The following AEN variants were observed in gnomAD, a reference collection of about 807,000 sequenced individuals.
AEN encodes apoptosis-enhancing nuclease.
In AEN, 21 loss-of-function variants were observed where a neutral mutation model predicts 17.7. The ratio of observed to expected loss-of-function variants is 1.19; its 90% CI spans 0.84 to 1.71. The LOEUF (loss-of-function observed/expected upper bound fraction) is 1.71. Ranked by LOEUF, AEN falls within the 40% of genes most tolerant of loss-of-function variation. The pLI, the probability that AEN is intolerant of heterozygous loss-of-function variation, is 0.00. For missense variants in AEN, 462 were observed against 435.9 expected (o/e 1.06, Z -0.53); for synonymous variants, 190 against 173.0 (o/e 1.10, Z -0.77).
At chr15:88,612,787 G>A in the AEN span, among the ~76,000 whole-genome samples, 4 of 151,964 alleles carry the variant, frequency 2.6e-5, no homozygotes, top group Non-Finnish European at 4.4e-5. Context: ...TTTTGGTAGA[G>A]AGAGGGGTTT....
At chr15:88,627,491 A>C (rs1463413700) in intron 2 of AEN, 1 of 148,746 alleles carries the variant, frequency 6.7e-6, no homozygotes, top group African/African-American at 2.5e-5. Context: ...CACACATCTT[A>C]AATGGTTAAG....
At chr15:88,618,938 T>C (rs1205493105), upstream of AEN, among the ~76,000 whole-genome samples, 3 of 152,112 alleles carry the variant, frequency 2.0e-5, no homozygotes, top group Admixed American at 6.6e-5. Context: ...TCCCCAGTAG[T>C]TGGGACTGTA....
the AEN span, among the ~76,000 whole-genome samples, chr15:88,608,738 G>A: frequency 0.017 from 2,563 of 152,168 alleles, 71 homozygotes; most frequent in South Asian, 0.064. Flanking sequence ...TGCGCTTTTG[G>A]CCTGAATTTT....
the AEN span, among the ~76,000 whole-genome samples, chr15:88,607,639 C>A: frequency 5.3e-5 from 8 of 152,210 alleles, no homozygotes; most frequent in African/African-American, 1.4e-4. Context: ...CTGTTTCAGG[C>A]AGGAACTGTG....
Position 88,630,345 on chromosome 15 carries a change from G to T in AEN, c.*51G>T. 2 of 1,514,770 alleles carry T rather than the reference G, an allele frequency of 1.3e-6. No homozygotes were observed. Among genetic ancestry groups the T allele is most frequent in the African/African-American group, 1.4e-5 (1 of 72,232 alleles). The allele number at this position is 1,514,770 out of a possible 1,614,324, so 93.8% of individuals were successfully genotyped here. A position where few individuals can be genotyped will look rare whatever the true frequency, so the allele number is the denominator to read the frequency against. On this transcript the variant is annotated 3_prime_UTR_variant, in exon 4 of 4. Transcript: ENST00000332810. The surrounding 1 kb of genome is among the most constrained non-coding windows in gnomAD (Gnocchi z 5.1). The stretch of plus-strand genomic sequence containing the variant: ...GCTTCCGGTGTGGCCGGTAGGAAGT[G>T]GGGGCCAGGAGAGCAGCGGGCACTC...
the AEN span, among the ~76,000 whole-genome samples, chr15:88,610,331 A>G: frequency 6.7e-6 from 1 of 149,066 alleles, no homozygotes; most frequent in Non-Finnish European, 1.5e-5. Flanking sequence ...TTTGTAAAAG[A>G]AATTAAAGAC....
chr15:88,620,145 T>C (rs986550952), upstream of AEN, among the ~76,000 whole-genome samples: 1 of 152,150 alleles, frequency 6.6e-6, no homozygotes, highest in Admixed American at 6.5e-5. Context: ...TTATTTCTCA[T>C]CACAGGTACG....
chr15:88,616,902 T>C (rs1598383959), upstream of AEN, among the ~76,000 whole-genome samples: 2 of 152,380 alleles, frequency 1.3e-5, no homozygotes, highest in South Asian at 2.1e-4. Flanking sequence ...GGCTAAGCTA[T>C]AGACGTTTGG....
chr15:88,628,922 T>G, intron 2 of AEN: 1 of 320,322 alleles, frequency 3.1e-6, no homozygotes, highest in South Asian at 3.9e-5. Flanking sequence ...TTGTATCTGG[T>G]AACAGGAAGA....
chr15:88,629,943 G>C (rs2057905028), intron 3 of AEN, 115 bp from the exon 4 acceptor site: 1 of 923,720 alleles, frequency 1.1e-6, no homozygotes. Context: ...CCTCCATTCT[G>C]AGCATACGTA....
Position 88,631,024 on chromosome 15 carries a change from T to G in AEN, c.*730T>G. The G allele has an allele frequency of 4.5e-6, 2 of 442,262 alleles. No homozygotes were observed. 27.4% of individuals were successfully genotyped at this position (442,262 alleles called of 1,614,324 possible). A position where few individuals can be genotyped will look rare whatever the true frequency, so the allele number is the denominator to read the frequency against. On this transcript the variant is annotated 3_prime_UTR_variant, in exon 4 of 4. Transcript: ENST00000332810. Reference sequence around the variant, plus strand: ...GGCAACAGAAAGCCCCAGGCACAGCTCAGGGAGGAGGGAAGGCAGGTAAGC... The same window carrying G: ...GGCAACAGAAAGCCCCAGGCACAGCGCAGGGAGGAGGGAAGGCAGGTAAGC...
the AEN span, among the ~76,000 whole-genome samples, chr15:88,608,584 G>T: frequency 6.6e-6 from 1 of 152,216 alleles, no homozygotes; most frequent in Non-Finnish European, 1.5e-5. Flanking sequence ...CGGAAGAACT[G>T]CATTGCTTGT....
the AEN span, chr15:88,611,836 G>A: frequency 5.8e-6 from 3 of 521,068 alleles, no homozygotes; most frequent in Non-Finnish European, 1.2e-5. Context: ...TGGATACAGA[G>A]TGGACCGGCT....
chr15:88,616,158 A>C, the AEN span, among the ~76,000 whole-genome samples: 1 of 150,256 alleles, frequency 6.7e-6, no homozygotes, highest in Non-Finnish European at 1.5e-5. Context: ...CAGTGGCGCC[A>C]TCTCGGCTCA....
chr15:88,616,945 G>A (rs944483773), upstream of AEN, among the ~76,000 whole-genome samples: 3 of 152,202 alleles, frequency 2.0e-5, no homozygotes, highest in African/African-American at 7.2e-5. Flanking sequence ...TTTTCAACTT[G>A]TGAATTATAG....
chr15:88,615,632 T>A, the AEN span, among the ~76,000 whole-genome samples: 1 of 152,164 alleles, frequency 6.6e-6, no homozygotes, highest in African/African-American at 2.4e-5. Context: ...ACCCCCTAAT[T>A]TTCTTAATCC....
At chr15:88,627,966 T>C (rs969559939) in intron 2 of AEN, 3 of 152,138 alleles carry the variant, frequency 2.0e-5, no homozygotes, top group Non-Finnish European at 4.4e-5. Context: ...GTACACTATC[T>C]CGTGTCCTAC....
upstream of AEN, among the ~76,000 whole-genome samples, chr15:88,619,570 C>T (rs946069766): frequency 6.6e-6 from 1 of 152,284 alleles, no homozygotes; most frequent in East Asian, 1.9e-4. Context: ...TGCCTGTAAT[C>T]CCAGCTGTTC....
At chr15:88,629,570 G>T (rs2057901331) in intron 3 of AEN, 144 bp downstream of exon 3, 1 of 944,892 alleles carries the variant, frequency 1.1e-6, no homozygotes, top group East Asian at 2.6e-5. Context: ...TGCTTAAATG[G>T]GTCTCCCTCC....
Sources: allele counts gnomAD v4.1 joint callset (sites outside exome capture counted in the v4.1 genomes callset), GRCh38; gene constraint gnomAD v4.1.1; non-coding constraint Gnocchi (gnomAD v3.1); transcripts MANE v1.5; gene names NCBI Gene and HGNC (gene_info 2026-07-23, HGNC 2026-07-21).